SAMHD1: variants seen among roughly 807,000 people sequenced by gnomAD.
The protein encoded by SAMHD1 is deoxynucleoside triphosphate triphosphohydrolase SAMHD1.
Under a neutral mutation model 79.6 loss-of-function variants are expected in SAMHD1, and 54 were observed. That is an observed-to-expected ratio of 0.68 (90% CI 0.55 to 0.85). SAMHD1 has a LOEUF of 0.85. SAMHD1 is among the 40% of genes least tolerant of loss of function. SAMHD1 has a pLI of 0.00. For missense variants in SAMHD1, 663 were observed against 782.7 expected (o/e 0.85, Z 1.82); for synonymous variants, 260 against 264.1 (o/e 0.98, Z 0.15).
intron 3 of SAMHD1, 185 bp downstream of exon 3, chr20:36,940,854 G>A (rs1375399675): frequency 1.6e-6 from 1 of 614,854 alleles, no homozygotes; most frequent in Non-Finnish European, 2.9e-6. Context: ...ACATATTTTA[G>A]TTCTTCTTCT....
At chr20:36,921,904 G>A (rs899413674) in intron 6 of SAMHD1, among the ~76,000 whole-genome samples, 1 of 152,100 alleles carries the variant, frequency 6.6e-6, no homozygotes, top group African/African-American at 2.4e-5. Flanking sequence ...GGCCAGGCTG[G>A]TCTCCAACTT....
At chr20:36,895,855 A>C (rs1012535366) in intron 15 of SAMHD1, among the ~76,000 whole-genome samples, 2 of 152,070 alleles carry the variant, frequency 1.3e-5, no homozygotes, top group African/African-American at 4.8e-5. Flanking sequence ...AAGGGGGAAA[A>C]ATGGATGGCT....
intron 15 of SAMHD1, 98 bp from the exon 16 acceptor site, chr20:36,893,164 C>T (rs1290134123): frequency 1.4e-6 from 2 of 1,451,044 alleles, no homozygotes; most frequent in Non-Finnish European, 1.9e-6. Flanking sequence ...CCTCATCTTG[C>T]ATATAGATTG....
intron 6 of SAMHD1, among the ~76,000 whole-genome samples, chr20:36,923,457 T>G (rs1411706641): frequency 1.3e-5 from 2 of 151,808 alleles, no homozygotes; most frequent in South Asian, 2.1e-4. Flanking sequence ...AATAAATAAA[T>G]AAAGTAAGGG....
chr20:36,911,102 TAAA>T, intron 11 of SAMHD1, 113 bp downstream of exon 11: 1 of 645,788 alleles, frequency 1.5e-6, no homozygotes, highest in Admixed American at 2.7e-5. Context: ...TTTTTAAAAT[TAAA>T]TAATTATCTT....
intron 1 of SAMHD1, among the ~76,000 whole-genome samples, chr20:36,949,622 TG>T (rs1273988615): frequency 6.6e-6 from 1 of 151,454 alleles, no homozygotes; most frequent in African/African-American, 2.4e-5. Context: ...CTGGGCGTGG[TG>T]GCACATGCCT....
chr20:36,943,633 G>T (rs1167112577), intron 2 of SAMHD1, among the ~76,000 whole-genome samples: 1 of 152,104 alleles, frequency 6.6e-6, no homozygotes, highest in East Asian at 1.9e-4. Context: ...TGAATCAATA[G>T]CACTTGGGTC....
rs6030038 is a variant in SAMHD1 at position 36,905,562 on chromosome 20, T to C, written c.1271-59A>G. ...ATAAAAACACAGAGTTAAAGAATTA[T>C]ATAGTGCTATTCTATTGAAATGATC... On this transcript the variant is annotated intron_variant, in intron 11 of 15. Transcript: ENST00000646673. 880 of 1,366,856 alleles carry C rather than the reference T, an allele frequency of 6.4e-4. 4 individuals are homozygous for C. The African/African-American group carries it at 0.011, about 17-fold the overall frequency. 84.7% of individuals were successfully genotyped at this position (1,366,856 alleles called of 1,614,324 possible).
chr20:36,916,740 A>G lies in SAMHD1; in HGVS notation c.1044T>C (p.Arg348=). 2 of 1,612,902 alleles carry G rather than the reference A, an allele frequency of 1.2e-6. No individual in the cohort carries two copies. The highest frequency in any genetic ancestry group is 1.7e-6 in the Non-Finnish European group (2 of 1,178,922). ...AGCTTACCTTATCTCTAGCACAAAT[A>G]CGCAACTCATTGTCTACTTCACAGA... is the stretch of plus-strand genomic sequence containing the variant. ...ARVCEVDNEL[R]ICARDKEVGN... Residue 348 remains arginine (R), a synonymous_variant, in exon 9 of 16, where the codon CGT becomes CGC. Coordinates refer to ENST00000646673, the MANE Select transcript of SAMHD1 (RefSeq NM_015474.4).
At chr20:36,918,966 T>A (rs2063490761) in intron 7 of SAMHD1, among the ~76,000 whole-genome samples, 1 of 151,644 alleles carries the variant, frequency 6.6e-6, no homozygotes, top group South Asian at 2.1e-4. Context: ...CAAAACCCCA[T>A]CTCTACAAAA....
intron 11 of SAMHD1, among the ~76,000 whole-genome samples, chr20:36,907,374 C>G (rs1421121803): frequency 6.6e-6 from 1 of 152,022 alleles, no homozygotes; most frequent in Admixed American, 6.6e-5. Flanking sequence ...AATCCTCACG[C>G]CTCAGCCTCC....
intron 15 of SAMHD1, among the ~76,000 whole-genome samples, chr20:36,895,622 C>A (rs1041847110): frequency 7.2e-5 from 11 of 152,030 alleles, no homozygotes; most frequent in African/African-American, 2.4e-4. Context: ...ATACTCACTC[C>A]GTGAGTGAAT....
Position 36,951,626 on chromosome 20 carries a change from G to C in SAMHD1, c.18C>G (p.Ser6=). ...AACGGGGACGCTTGGAGGGCTGCTC[G>C]GAATCGGCTCGCTGCATGGCTACAC... MQRAD[S]EQPSKRPRCD... The change falls in exon 1 of 16, where the codon TCC becomes TCG. Residue 6 remains serine (S), a synonymous_variant. Coordinates refer to ENST00000646673, the MANE Select transcript of SAMHD1 (RefSeq NM_015474.4). The C allele has an allele frequency of 1.2e-6, 2 of 1,613,852 alleles. No homozygotes were observed. The highest frequency in any genetic ancestry group is 1.7e-6 in the Non-Finnish European group (2 of 1,179,982).
chr20:36,914,855 T>C (rs1171862033), intron 9 of SAMHD1, among the ~76,000 whole-genome samples: 1 of 139,600 alleles, frequency 7.2e-6, no homozygotes, highest in African/African-American at 2.7e-5. Context: ...AAAAAAAAAA[T>C]AGAAAAATTA....
In SAMHD1 at chr20:36,891,293, G is replaced by A. The variant is rs1000063381; in HGVS notation, c.*1639C>T. ...AAGTACTCTTCACCCCAGTGTGGAC[G>A]GAACAGAATCTGGCTACACGGTGGC... is the stretch of plus-strand genomic sequence containing the variant. On this transcript the variant is annotated 3_prime_UTR_variant, in exon 16 of 16. Transcript: ENST00000646673. The A allele has an allele frequency of 6.6e-6, 1 of 152,276 alleles. No individual in the cohort carries two copies. The highest frequency in any genetic ancestry group is 1.5e-5 in the Non-Finnish European group (1 of 68,092). 9.4% of individuals were successfully genotyped at this position (152,276 alleles called of 1,614,324 possible).
chr20:36,916,660 T>A, intron 9 of SAMHD1, 62 bp downstream of exon 9: 1 of 1,155,646 alleles, frequency 8.7e-7, no homozygotes, highest in African/African-American at 1.5e-5. Flanking sequence ...TGTTAAATGG[T>A]TATTTCCAAA....
In SAMHD1 at chr20:36,935,094, T is replaced by G; in HGVS notation, c.444A>C (p.Lys148Asn). 6.2e-7 allele frequency: 1 copy of G among 1,614,048 alleles called. No individual in the cohort carries two copies. Among genetic ancestry groups the G allele is most frequent in the Non-Finnish European group, 8.5e-7 (1 of 1,179,960 alleles). The change falls in exon 4 of 16, where the codon AAA becomes AAC. Residue 148 changes from lysine (K) to asparagine (N), a missense_variant. Coordinates refer to ENST00000646673, the MANE Select transcript of SAMHD1 (RefSeq NM_015474.4). ...TPQFQRLRYI[K>N]QLGGGYYVFP... ...AAACATAGTAACCACCTCCCAGCTG[T>G]TTGATGTATCGAAGACGTTGAAATT...
chr20:36,915,527 A>T (rs1255001591), intron 9 of SAMHD1, among the ~76,000 whole-genome samples: 1 of 151,948 alleles, frequency 6.6e-6, no homozygotes, highest in Middle Eastern at 3.4e-3. Flanking sequence ...ACTTGAGGTG[A>T]GGAGTTCGAG....
intron 15 of SAMHD1, among the ~76,000 whole-genome samples, chr20:36,894,741 TG>T (rs1349710298): frequency 6.6e-6 from 1 of 151,974 alleles, no homozygotes; most frequent in Non-Finnish European, 1.5e-5. Context: ...CACTCCAGCC[TG>T]GGCAACAGAG....
Sources: gnomAD v4.1 joint callset for allele counts (sites outside exome capture counted in the v4.1 genomes callset) on GRCh38, gnomAD v4.1.1 for gene constraint, MANE v1.5 for transcripts, NCBI Gene and HGNC (gene_info 2026-07-23, HGNC 2026-07-21) for gene names.